Variants in C19orf44 observed in about 807,000 individuals in gnomAD.
The protein encoded by C19orf44 is chromosome 19 open reading frame 44.
C19orf44 carries 43 observed loss-of-function variants against 50.7 expected under a neutral mutation model. The ratio of observed to expected loss-of-function variants is 0.85; its 90% confidence interval spans 0.66 to 1.09. The LOEUF is 1.09. Among genes scored for constraint, C19orf44 ranks in the 50% least tolerant of loss-of-function variants. The pLI, the probability that C19orf44 is intolerant of heterozygous loss-of-function variation, is 0.00. For synonymous variants in C19orf44, 298 were observed against 334.7 expected (o/e 0.89, Z 1.20); for missense variants, 722 against 836.2 (o/e 0.86, Z 1.68).
chr19:16,497,563 C>A (rs939062874), intron 1 of C19orf44, among the ~76,000 whole-genome samples: 18 of 151,680 alleles, frequency 1.2e-4, no homozygotes, highest in South Asian at 2.1e-4. Context: ...GTGTGTCAGG[C>A]TGGTCTCGAT....
intron 7 of C19orf44, 139 bp downstream of exon 7, chr19:16,514,802 TG>T: frequency 2.8e-6 from 3 of 1,082,660 alleles, no homozygotes; most frequent in Non-Finnish European, 3.7e-6. Context: ...GGCCATCACC[TG>T]TCCCTGTGGA....
At chr19:16,514,454 TG>T in intron 6 of C19orf44, 42 bp from the exon 7 acceptor site, 1 of 1,524,300 alleles carries the variant, frequency 6.6e-7, no homozygotes, top group Non-Finnish European at 8.9e-7. Flanking sequence ...GCAGAATTTG[TG>T]GGGCCCCAGC....
At position 16,519,912 on chromosome 19, in the gene C19orf44, G is replaced by A. The variant is rs1221815787; in HGVS notation, c.*41-182G>A. 7.5e-6 allele frequency: 5 copies of A among 662,376 alleles called. No homozygotes were observed. Among genetic ancestry groups the A allele is most frequent in the Admixed American group, 2.6e-5 (1 of 38,458 alleles). The allele number at this position is 662,376 out of a possible 1,614,324, so 41.0% of individuals were successfully genotyped here. Reference sequence around the variant, plus strand: ...CTCCAGACGCTGGCCCCCACCCCACGCTCAGCATTGAGAGCAGGACACCTC... The same window carrying A: ...CTCCAGACGCTGGCCCCCACCCCACACTCAGCATTGAGAGCAGGACACCTC... On this transcript the variant is annotated intron_variant, in intron 8 of 8. Coordinates refer to ENST00000221671, the MANE Select transcript of C19orf44 (RefSeq NM_032207.4). This position sits in a 1 kb window ranked among gnomAD's most constrained non-coding sequence, Gnocchi z 6.0.
rs2085595379 is a variant in C19orf44, at chr19:16,520,109, TC to T, written c.*59del. 1.9e-6 allele frequency: 3 copies of T among 1,586,888 alleles called. No homozygotes were observed. The highest frequency in any genetic ancestry group is 2.6e-6 in the Non-Finnish European group (3 of 1,158,684). On this transcript the variant is annotated 3_prime_UTR_variant, in exon 9 of 9. Transcript: ENST00000221671. This position sits in a 1 kb window ranked among gnomAD's most constrained non-coding sequence, Gnocchi z 4.0. ...ACATTCACAGCAAAGCACCGCAGCT[TC>T]CCAGAGTTACCAGCGCAGCACTTAA...
In C19orf44 at chr19:16,511,434, C is replaced by T. The variant is rs181248623; in HGVS notation, c.1639+1446C>T. ...GGCTCAAGTGATCCTTCCACCTGCTCATGTTGGCCCCCCAAGGTGCTGGGA... is the reference window on the plus strand; with the variant it reads ...GGCTCAAGTGATCCTTCCACCTGCTTATGTTGGCCCCCCAAGGTGCTGGGA... On this transcript the variant is annotated intron_variant, in intron 5 of 8. Coordinates refer to ENST00000221671, the MANE Select transcript of C19orf44 (RefSeq NM_032207.4). Among the ~76,000 whole-genome samples, 417 of 152,202 alleles carry T rather than the reference C, an allele frequency of 2.7e-3. 1 individual carries two copies. Among genetic ancestry groups the T allele is most frequent in the Middle Eastern group, 0.01 (3 of 294 alleles).
At chr19:16,496,639 T>C (rs2093410153) in intron 1 of C19orf44, 174 bp downstream of exon 1, 3 of 167,044 alleles carry the variant, frequency 1.8e-5, no homozygotes, top group Non-Finnish European at 1.3e-5. Flanking sequence ...GGTCGCTTCA[T>C]AGCTGGGGAG....
chr19:16,510,085 C>T (rs1371806815), intron 5 of C19orf44, 97 bp downstream of exon 5: 2 of 1,579,922 alleles, frequency 1.3e-6, no homozygotes, highest in Non-Finnish European at 1.7e-6. Flanking sequence ...GCTCAGGTTC[C>T]TGAGATTTGG....
At chr19:16,513,589 G>A (rs1599738113) in intron 6 of C19orf44, among the ~76,000 whole-genome samples, 1 of 152,102 alleles carries the variant, frequency 6.6e-6, no homozygotes, top group African/African-American at 2.4e-5. Flanking sequence ...TCTCCATGTT[G>A]GCCAGGCTGG....
At chr19:16,505,465 C>T (rs1042455788) in intron 3 of C19orf44, among the ~76,000 whole-genome samples, 4 of 152,064 alleles carry the variant, frequency 2.6e-5, no homozygotes, top group Admixed American at 1.3e-4. Context: ...CCACCTGCCT[C>T]GGCCTCCCAA....
At position 16,503,087 on chromosome 19, in the gene C19orf44, T is replaced by G; in HGVS notation, c.782T>G (p.Phe261Cys). The change falls in exon 3 of 9, where the codon TTT becomes TGT. Residue 261 changes from phenylalanine (F) to cysteine (C), a missense_variant. Phe to Cys is a radical substitution (Grantham distance 205). Coordinates refer to ENST00000221671, the MANE Select transcript of C19orf44 (RefSeq NM_032207.4). ...LFSVPSQLRA[F>C]TVPSVELSSA... ...CAGGTCCCATCTCAACTGAGAGCATTTACTGTACCCAGCGTGGAACTCTCC... is the reference window on the plus strand; with the variant it reads ...CAGGTCCCATCTCAACTGAGAGCATGTACTGTACCCAGCGTGGAACTCTCC... The G allele has an allele frequency of 6.2e-7, 1 of 1,613,792 alleles. No homozygotes were observed. Among genetic ancestry groups the G allele is most frequent in the Non-Finnish European group, 8.5e-7 (1 of 1,179,862 alleles).
chr19:16,506,330 ACACCTGTAAACCCAG>A (rs1320790762), intron 3 of C19orf44, among the ~76,000 whole-genome samples: 2 of 151,766 alleles, frequency 1.3e-5, no homozygotes, highest in African/African-American at 4.8e-5. Flanking sequence ...GCGGTGGCTC[ACACCTGTAAACCCAG>A]CACTTTGGGA....
At chr19:16,505,092 C>T (rs746363155) in intron 3 of C19orf44, among the ~76,000 whole-genome samples, 9 of 152,206 alleles carry the variant, frequency 5.9e-5, no homozygotes, top group Non-Finnish European at 1.2e-4. Context: ...GCTAGGATTA[C>T]AGGCGTGAGC....
chr19:16,501,650 T>C (rs2093425902), intron 2 of C19orf44, 99 bp downstream of exon 2: 4 of 886,812 alleles, frequency 4.5e-6, no homozygotes, highest in Admixed American at 7.9e-5. Flanking sequence ...TGGAGTGCAA[T>C]GGCACGATCT....
chr19:16,517,431 G>A lies in C19orf44; in HGVS notation c.*40+90G>A, dbSNP rs1414912115. ...GTGTGACGTTCCGTGGTGGGGGCAGGTGGTACTGGGGTGATGGACACACAC... is the reference window on the plus strand; with the variant it reads ...GTGTGACGTTCCGTGGTGGGGGCAGATGGTACTGGGGTGATGGACACACAC... On this transcript the variant is annotated intron_variant, in intron 8 of 8. Transcript: ENST00000221671. 9 of 891,324 alleles carry A rather than the reference G, an allele frequency of 1.0e-5. No homozygotes were observed. In the African/African-American group the frequency reaches 1.5e-4, roughly 15 times the overall value. 55.2% of individuals were successfully genotyped at this position (891,324 alleles called of 1,614,324 possible).
chr19:16,520,516 A>G lies in C19orf44; in HGVS notation c.*463A>G. 6.2e-7 allele frequency: 1 copy of G among 1,608,582 alleles called. No individual in the cohort carries two copies. Among genetic ancestry groups the G allele is most frequent in the Non-Finnish European group, 8.5e-7 (1 of 1,177,130 alleles). On this transcript the variant is annotated 3_prime_UTR_variant, in exon 9 of 9. Coordinates refer to ENST00000221671, the MANE Select transcript of C19orf44 (RefSeq NM_032207.4). The surrounding 1 kb of genome is among the most constrained non-coding windows in gnomAD (Gnocchi z 4.0). ...GAGACCTCGAGGGTCCGCTGTGGGG[A>G]GAGGCCTGATGATCAGGTGCCCCAG... is the stretch of plus-strand genomic sequence containing the variant.
chr19:16,519,155 G>T lies in C19orf44; in HGVS notation c.*41-939G>T. ...GCCACCGGCGCGGCTCCCGGCATGG[G>T]CGCCTACTTACACTCGTCCCTGGCC... On this transcript the variant is annotated intron_variant, in intron 8 of 8. Coordinates refer to ENST00000221671, the MANE Select transcript of C19orf44 (RefSeq NM_032207.4). The surrounding 1 kb of genome is among the most constrained non-coding windows in gnomAD (Gnocchi z 6.0). 1.9e-6 allele frequency: 3 copies of T among 1,611,502 alleles called. No individual in the cohort carries two copies. The highest frequency in any genetic ancestry group is 2.2e-5 in the East Asian group (1 of 44,814).
rs764198057 is a variant in C19orf44 at position 16,519,117 on chromosome 19, G to A, written c.*41-977G>A. On this transcript the variant is annotated intron_variant, in intron 8 of 8. Transcript: ENST00000221671. This position sits in a 1 kb window ranked among gnomAD's most constrained non-coding sequence, Gnocchi z 6.0. ...GCCAGTCAGCCAGGAAGGTCCCACA[G>A]CCGGCACCGCTGGCCACCGGCGCGG... 12 of 1,572,366 alleles carry A rather than the reference G, an allele frequency of 7.6e-6. No homozygotes were observed. Among genetic ancestry groups the A allele is most frequent in the South Asian group, 2.3e-5 (2 of 88,150 alleles).
At position 16,519,095 on chromosome 19, in the gene C19orf44, A is replaced by C. The variant is rs1233200284; in HGVS notation, c.*41-999A>C. On this transcript the variant is annotated intron_variant, in intron 8 of 8. Transcript: ENST00000221671. The surrounding 1 kb of genome is among the most constrained non-coding windows in gnomAD (Gnocchi z 6.0). ...GCTGTCACTGCAATCTTCCTCTGCC[A>C]GTCAGCCAGGAAGGTCCCACAGCCG... 2 of 1,432,854 alleles carry C rather than the reference A, an allele frequency of 1.4e-6. No homozygotes were observed. Among genetic ancestry groups the C allele is most frequent in the African/African-American group, 2.9e-5 (2 of 70,156 alleles). The allele number at this position is 1,432,854 out of a possible 1,614,324, so 88.8% of individuals were successfully genotyped here. A position where few individuals can be genotyped will look rare whatever the true frequency, so the allele number is the denominator to read the frequency against.
intron 4 of C19orf44, among the ~76,000 whole-genome samples, chr19:16,508,001 T>C (rs1230965032): frequency 6.6e-6 from 1 of 151,056 alleles, no homozygotes; most frequent in African/African-American, 2.4e-5. Flanking sequence ...GAGATGGGGT[T>C]TCACCGTGTT....
Sources: allele counts gnomAD v4.1 joint callset (sites outside exome capture counted in the v4.1 genomes callset), GRCh38; gene constraint gnomAD v4.1.1; non-coding constraint Gnocchi (gnomAD v3.1); transcripts MANE v1.5; gene names NCBI Gene and HGNC (gene_info 2026-07-23, HGNC 2026-07-21).